The following PPARGC1A variants were observed in gnomAD, a reference collection of about 807,000 sequenced individuals.
PPARGC1A encodes PPARG coactivator 1 alpha.
In PPARGC1A, 25 loss-of-function variants were observed where a neutral mutation model predicts 88.7. The observed-to-expected ratio is 0.28, with a 90% CI of 0.21 to 0.39. The LOEUF is 0.39. PPARGC1A is among the 10% of genes least tolerant of loss of function. The pLI is 1.00. For synonymous variants in PPARGC1A, 363 were observed against 355.6 expected (o/e 1.02, Z -0.24); for missense variants, 880 against 968.7 (o/e 0.91, Z 1.22).
the PPARGC1A span, among the ~76,000 whole-genome samples, chr4:24,127,119 G>A: frequency 1.3e-5 from 2 of 152,260 alleles, no homozygotes; most frequent in East Asian, 1.9e-4. Context: ...GAGCCATGCC[G>A]TGAGGTTTTG....
At chr4:24,003,369 A>G in the PPARGC1A span, among the ~76,000 whole-genome samples, 2 of 152,214 alleles carry the variant, frequency 1.3e-5, no homozygotes, top group Admixed American at 6.5e-5. Flanking sequence ...ATTTTTAACA[A>G]TACCTAAGGC....
chr4:23,902,133 T>C (rs1364690484), upstream of PPARGC1A, among the ~76,000 whole-genome samples: 1 of 152,176 alleles, frequency 6.6e-6, no homozygotes, highest in Non-Finnish European at 1.5e-5. Context: ...TATAATATTT[T>C]GAATATATTA....
At chr4:24,212,898 C>A in the PPARGC1A span, among the ~76,000 whole-genome samples, 6 of 152,172 alleles carry the variant, frequency 3.9e-5, no homozygotes, top group African/African-American at 1.4e-4. Flanking sequence ...TACCTAAGAG[C>A]GTGGTCATTT....
the PPARGC1A span, among the ~76,000 whole-genome samples, chr4:24,151,966 C>T: frequency 6.6e-6 from 1 of 152,174 alleles, no homozygotes; most frequent in Non-Finnish European, 1.5e-5. Context: ...CTTGGTTTAA[C>T]AATAATGCAC....
At chr4:23,821,954 T>C (rs1360048640) in intron 7 of PPARGC1A, among the ~76,000 whole-genome samples, 3 of 152,134 alleles carry the variant, frequency 2.0e-5, no homozygotes, top group African/African-American at 7.2e-5. Flanking sequence ...GCTTATAAAC[T>C]GTTTTACTTC....
chr4:24,181,685 T>C, the PPARGC1A span, among the ~76,000 whole-genome samples: 1 of 152,102 alleles, frequency 6.6e-6, no homozygotes, highest in African/African-American at 2.4e-5. Flanking sequence ...GATGTCAGAA[T>C]GAAAATTCCA....
the PPARGC1A span, among the ~76,000 whole-genome samples, chr4:24,144,070 GATGACGAAGGAAGA>G: frequency 6.6e-6 from 1 of 152,238 alleles, no homozygotes; most frequent in Non-Finnish European, 1.5e-5. Context: ...GAGGTAAAGG[GATGACGAAGGAAGA>G]ATGATTTCCC....
chr4:24,340,909 T>G, the PPARGC1A span, among the ~76,000 whole-genome samples: 3 of 152,138 alleles, frequency 2.0e-5, no homozygotes, highest in Non-Finnish European at 4.4e-5. Context: ...GTTTAGTAAA[T>G]TATCCATTTC....
At chr4:24,178,723 T>C in the PPARGC1A span, among the ~76,000 whole-genome samples, 1 of 152,240 alleles carries the variant, frequency 6.6e-6, no homozygotes, top group Non-Finnish European at 1.5e-5. Flanking sequence ...AGTGCCAGCA[T>C]TTGAGTGCTG....
the PPARGC1A span, among the ~76,000 whole-genome samples, chr4:24,111,949 A>G: frequency 2.0e-5 from 3 of 152,230 alleles, no homozygotes; most frequent in Non-Finnish European, 2.9e-5. Flanking sequence ...ATGTCAACAC[A>G]TTATTAAGAG....
the PPARGC1A span, among the ~76,000 whole-genome samples, chr4:24,023,883 T>C: frequency 4.7e-4 from 71 of 152,336 alleles, no homozygotes; most frequent in Non-Finnish European, 9.1e-4. Context: ...GTATCCCTGA[T>C]AATTGATAGC....
chr4:24,271,728 C>T, the PPARGC1A span, among the ~76,000 whole-genome samples: 1 of 152,154 alleles, frequency 6.6e-6, no homozygotes, highest in Non-Finnish European at 1.5e-5. Context: ...GGTAAGTTCT[C>T]TGTGCCTTAG....
the PPARGC1A span, among the ~76,000 whole-genome samples, chr4:24,181,451 GAACA>G: frequency 1.3e-4 from 20 of 152,232 alleles, no homozygotes; most frequent in South Asian, 1.0e-3. Context: ...GAAATTCTTA[GAACA>G]AAAACTCACA....
chr4:24,454,692 T>A, the PPARGC1A span, among the ~76,000 whole-genome samples: 1 of 151,864 alleles, frequency 6.6e-6, no homozygotes, highest in East Asian at 1.9e-4. Context: ...GAGCCAGGAT[T>A]GCACCACTGC....
chr4:23,888,424 A>C (rs1717271311), intron 1 of PPARGC1A, among the ~76,000 whole-genome samples: 1 of 152,226 alleles, frequency 6.6e-6, no homozygotes, highest in Non-Finnish European at 1.5e-5. Context: ...GGAATAATAC[A>C]TGATGGAAAA....
the PPARGC1A span, among the ~76,000 whole-genome samples, chr4:24,385,911 A>G: frequency 1.3e-5 from 2 of 152,190 alleles, no homozygotes; most frequent in Non-Finnish European, 2.9e-5. Flanking sequence ...CATCATCCTG[A>G]CACCAAAACC....
the PPARGC1A span, among the ~76,000 whole-genome samples, chr4:24,249,192 C>G: frequency 1.8e-4 from 27 of 152,112 alleles, no homozygotes; most frequent in African/African-American, 6.3e-4. Flanking sequence ...TGAACTAAAT[C>G]CCAGTGGAAA....
the PPARGC1A span, among the ~76,000 whole-genome samples, chr4:23,934,996 T>G: frequency 1.3e-3 from 195 of 152,342 alleles, no homozygotes; most frequent in Non-Finnish European, 2.4e-3. Flanking sequence ...TCCACTCCCC[T>G]ACATGTACTT....
At chr4:24,352,976 G>T in the PPARGC1A span, among the ~76,000 whole-genome samples, 1 of 152,128 alleles carries the variant, frequency 6.6e-6, no homozygotes, top group African/African-American at 2.4e-5. Flanking sequence ...CTCTCCCGTG[G>T]CATGGGAGGG....
Sources: allele counts gnomAD v4.1 joint callset (sites outside exome capture counted in the v4.1 genomes callset), GRCh38; gene constraint gnomAD v4.1.1; transcripts MANE v1.5; gene names NCBI Gene and HGNC (gene_info 2026-07-23, HGNC 2026-07-21).